The following DCC variants were observed in gnomAD, a reference collection of about 807,000 sequenced individuals.
DCC encodes netrin receptor DCC.
In DCC, 58 loss-of-function variants were observed where a neutral mutation model predicts 172.5. The ratio of observed to expected loss-of-function variants is 0.34; its 90% CI spans 0.27 to 0.42. The LOEUF (loss-of-function observed/expected upper bound fraction) is 0.42. Among genes scored for constraint, DCC ranks in the 10% least tolerant of loss-of-function variants. DCC has a pLI of 1.00. For synonymous variants in DCC, 709 were observed against 644.5 expected (o/e 1.10, Z -1.52); for missense variants, 1,740 against 1,791.0 (o/e 0.97, Z 0.51).
intron 2 of DCC, among the ~76,000 whole-genome samples, chr18:52,905,717 T>C (rs2039872300): frequency 6.6e-6 from 1 of 152,194 alleles, no homozygotes; most frequent in African/African-American, 2.4e-5. Context: ...AACTCCAATG[T>C]GGGATTTCAC....
At chr18:53,284,488 T>A (rs1368206581) in intron 12 of DCC, among the ~76,000 whole-genome samples, 1 of 152,162 alleles carries the variant, frequency 6.6e-6, no homozygotes, top group Non-Finnish European at 1.5e-5. Flanking sequence ...TCTGCCACCA[T>A]GTGAGACGTG....
At chr18:52,711,513 A>G (rs1416089496) in intron 1 of DCC, among the ~76,000 whole-genome samples, 1 of 152,210 alleles carries the variant, frequency 6.6e-6, no homozygotes, top group Non-Finnish European at 1.5e-5. Context: ...TTCATTACAA[A>G]TCTATCATAG....
intron 9 of DCC, among the ~76,000 whole-genome samples, chr18:53,190,915 T>C (rs1170181057): frequency 1.3e-5 from 2 of 152,104 alleles, no homozygotes; most frequent in African/African-American, 4.8e-5. Context: ...CACTGCACTC[T>C]TGCCTGGGAG....
intron 9 of DCC, among the ~76,000 whole-genome samples, chr18:53,194,479 T>A (rs2055414519): frequency 6.6e-6 from 1 of 151,996 alleles, no homozygotes; most frequent in African/African-American, 2.4e-5. Context: ...GTTGTTTGTT[T>A]TTTTTTTAGA....
chr18:53,410,142 T>G (rs1909895145), intron 19 of DCC, among the ~76,000 whole-genome samples: 1 of 152,216 alleles, frequency 6.6e-6, no homozygotes, highest in African/African-American at 2.4e-5. Context: ...TTTTACATTT[T>G]TCATCATGCT....
chr18:53,010,563 A>G (rs2143876396), intron 5 of DCC, among the ~76,000 whole-genome samples: 1 of 151,478 alleles, frequency 6.6e-6, no homozygotes, highest in Admixed American at 6.6e-5. Context: ...TTACATTTAA[A>G]TATATATGTA....
intron 7 of DCC, among the ~76,000 whole-genome samples, chr18:53,090,702 A>AAAAAAAAAAAAACAAAAAC (rs1382811595): frequency 3.7e-5 from 2 of 54,148 alleles, no homozygotes; most frequent in Non-Finnish European, 6.6e-5. Context: ...CCCCAACAAA[A>AAAAAAAAAAAAACAAAAAC]AAAAAAAAAA....
intron 5 of DCC, among the ~76,000 whole-genome samples, chr18:52,947,562 A>G (rs2040568185): frequency 6.6e-6 from 1 of 152,168 alleles, no homozygotes; most frequent in Non-Finnish European, 1.5e-5. Context: ...CGAAGGTGTA[A>G]CTACACGTAT....
intron 2 of DCC, among the ~76,000 whole-genome samples, chr18:52,777,938 T>C (rs1300902386): frequency 1.3e-5 from 2 of 152,196 alleles, no homozygotes; most frequent in African/African-American, 4.8e-5. Flanking sequence ...AGTCTCTTCT[T>C]GCTGTGTATA....
intron 12 of DCC, among the ~76,000 whole-genome samples, chr18:53,246,284 C>CT (rs2056364239): frequency 6.6e-6 from 1 of 151,910 alleles, no homozygotes; most frequent in Non-Finnish European, 1.5e-5. Flanking sequence ...CAGGGGTTTC[C>CT]TGGCTATTTA....
intron 1 of DCC, among the ~76,000 whole-genome samples, chr18:52,541,791 T>C (rs2032456160): frequency 6.6e-6 from 1 of 151,016 alleles, no homozygotes; most frequent in African/African-American, 2.4e-5. Flanking sequence ...AATGAATCTA[T>C]GGCTTTGGTC....
chr18:53,090,619 G>A (rs758396481), intron 7 of DCC, among the ~76,000 whole-genome samples: 14 of 138,992 alleles, frequency 1.0e-4, no homozygotes, highest in Non-Finnish European at 1.9e-4. Context: ...GCATGAACCC[G>A]GGAGGCAGAG....
At chr18:52,593,696 T>A (rs572367941) in intron 1 of DCC, among the ~76,000 whole-genome samples, 1 of 152,168 alleles carries the variant, frequency 6.6e-6, no homozygotes, top group South Asian at 2.1e-4. Context: ...CAATGCTCTG[T>A]CATGTGTGGG....
At chr18:52,549,410 T>A (rs979870110) in intron 1 of DCC, among the ~76,000 whole-genome samples, 5 of 152,002 alleles carry the variant, frequency 3.3e-5, no homozygotes, top group African/African-American at 1.2e-4. Flanking sequence ...GTCTGGACAC[T>A]TACCTTATAA....
intron 1 of DCC, among the ~76,000 whole-genome samples, chr18:52,625,093 T>C (rs1413814621): frequency 3.9e-5 from 6 of 152,162 alleles, no homozygotes; most frequent in Non-Finnish European, 8.8e-5. Context: ...TAGGCAATTG[T>C]AACAGTGGTT....
intron 2 of DCC, among the ~76,000 whole-genome samples, chr18:52,868,033 G>GTGTATA (rs34439277): frequency 0.016 from 1,921 of 120,218 alleles, 12 homozygotes; most frequent in South Asian, 0.034. Context: ...GTGTATGTGT[G>GTGTATA]TATATATATA....
intron 12 of DCC, among the ~76,000 whole-genome samples, chr18:53,232,133 A>T (rs2056131069): frequency 6.6e-6 from 1 of 152,078 alleles, no homozygotes; most frequent in South Asian, 2.1e-4. Flanking sequence ...GAGTTTAGTG[A>T]CTTTCTCTTG....
intron 2 of DCC, among the ~76,000 whole-genome samples, chr18:52,904,325 AT>A (rs1438311452): frequency 6.6e-6 from 1 of 152,192 alleles, no homozygotes; most frequent in Non-Finnish European, 1.5e-5. Context: ...TAACCCACAT[AT>A]AATTTTGGTC....
chr18:52,891,375 A>G (rs1259745906), intron 2 of DCC, among the ~76,000 whole-genome samples: 3 of 152,108 alleles, frequency 2.0e-5, no homozygotes, highest in Admixed American at 6.6e-5. Flanking sequence ...TATGTCCTGA[A>G]TGATTGACAT....
Sources: gnomAD v4.1 joint callset for allele counts (sites outside exome capture counted in the v4.1 genomes callset) on GRCh38, gnomAD v4.1.1 for gene constraint, MANE v1.5 for transcripts, NCBI Gene and HGNC (gene_info 2026-07-23, HGNC 2026-07-21) for gene names.